The following MTUS2 variants were observed in gnomAD, a reference collection of about 807,000 sequenced individuals.
The protein encoded by MTUS2 is microtubule-associated tumor suppressor candidate 2.
Under a neutral mutation model 114.1 loss-of-function variants are expected in MTUS2, and 40 were observed. The observed-to-expected ratio is 0.35, with a 90% CI of 0.27 to 0.46. MTUS2 has a LOEUF of 0.46. MTUS2 is among the 20% of genes least tolerant of loss of function. The pLI is 1.00. For missense variants in MTUS2, 1,679 were observed against 1,705.4 expected (o/e 0.98, Z 0.27); for synonymous variants, 688 against 672.0 (o/e 1.02, Z -0.37).
At chr13:28,938,756 C>T (rs1174025019) in intron 2 of MTUS2, among the ~76,000 whole-genome samples, 1 of 152,096 alleles carries the variant, frequency 6.6e-6, no homozygotes, top group Non-Finnish European at 1.5e-5. Flanking sequence ...CAGTCACCTT[C>T]CTTACTAAAG....
intron 5 of MTUS2, among the ~76,000 whole-genome samples, chr13:29,115,177 G>A (rs182975525): frequency 6.6e-6 from 1 of 151,384 alleles, no homozygotes; most frequent in Non-Finnish European, 1.5e-5. Flanking sequence ...CCATTAATGC[G>A]ATAACTGCCA....
intron 1 of MTUS2, among the ~76,000 whole-genome samples, chr13:28,830,009 C>T (rs997333183): frequency 1.3e-5 from 2 of 152,062 alleles, no homozygotes; most frequent in African/African-American, 4.8e-5. Flanking sequence ...GCATGTACCC[C>T]ACCCCCCAAC....
intron 4 of MTUS2, among the ~76,000 whole-genome samples, chr13:29,075,801 A>C (rs1271506820): frequency 1.3e-5 from 2 of 152,184 alleles, no homozygotes; most frequent in African/African-American, 2.4e-5. Flanking sequence ...TCTGAACAGG[A>C]TCATTGCCTA....
chr13:29,217,510 CT>C (rs1488947405), intron 5 of MTUS2, among the ~76,000 whole-genome samples: 2 of 152,118 alleles, frequency 1.3e-5, no homozygotes, highest in Non-Finnish European at 2.9e-5. Flanking sequence ...TTTAAAAATA[CT>C]TTATTGTTGA....
At chr13:28,955,220 G>A (rs1337900358) in intron 2 of MTUS2, among the ~76,000 whole-genome samples, 1 of 152,156 alleles carries the variant, frequency 6.6e-6, no homozygotes, top group Non-Finnish European at 1.5e-5. Context: ...GCCTGACATT[G>A]CACGATTTCT....
intron 5 of MTUS2, among the ~76,000 whole-genome samples, chr13:29,109,288 C>G (rs1180561542): frequency 6.6e-6 from 1 of 152,110 alleles, no homozygotes; most frequent in East Asian, 1.9e-4. Flanking sequence ...CACATAGTTA[C>G]CTCTTCTGTG....
At chr13:29,217,870 C>T (rs1895743905) in intron 5 of MTUS2, among the ~76,000 whole-genome samples, 1 of 152,172 alleles carries the variant, frequency 6.6e-6, no homozygotes, top group Non-Finnish European at 1.5e-5. Context: ...GTAATCTTAG[C>T]ACTTTGGGAG....
intron 8 of MTUS2, among the ~76,000 whole-genome samples, chr13:29,370,696 T>C (rs752421874): frequency 4.6e-5 from 7 of 152,190 alleles, no homozygotes; most frequent in Non-Finnish European, 1.0e-4. Context: ...ATAAACTTCC[T>C]TCCTTTATGG....
intron 8 of MTUS2, among the ~76,000 whole-genome samples, chr13:29,361,753 C>T (rs1566154201): frequency 6.6e-6 from 1 of 152,188 alleles, no homozygotes; most frequent in Non-Finnish European, 1.5e-5. Context: ...TTGTCTGAGC[C>T]AAGCATGCCA....
Position 28,986,857 on chromosome 13 carries a change from G to C in MTUS2, c.-242-37600G>C, listed in dbSNP as rs370903907. ...TTAAGAATTTAATTATTCAGTCACA[G>C]TTGCCACATTGCAAGTGTTCAGTGG... On this transcript the variant is annotated intron_variant, in intron 2 of 15. Coordinates refer to ENST00000612955, the MANE Select transcript of MTUS2 (RefSeq NM_001033602.4). 1.2e-4 allele frequency among the ~76,000 whole-genome samples: 18 copies of C among 152,280 alleles called. No homozygotes were observed. In the East Asian group the frequency reaches 3.5e-3, roughly 29 times the overall value.
chr13:28,857,310 A>G (rs1423428528), intron 2 of MTUS2, among the ~76,000 whole-genome samples: 3 of 152,226 alleles, frequency 2.0e-5, no homozygotes, highest in African/African-American at 7.2e-5. Flanking sequence ...GTCTTTTTAA[A>G]AATCTGAAAG....
At chr13:29,329,828 G>A (rs1050997831) in intron 7 of MTUS2, among the ~76,000 whole-genome samples, 1 of 152,060 alleles carries the variant, frequency 6.6e-6, no homozygotes, top group Non-Finnish European at 1.5e-5. Flanking sequence ...TGGCCAGGCT[G>A]ATCTCAAACT....
At chr13:29,141,635 T>C (rs1892224931) in intron 5 of MTUS2, among the ~76,000 whole-genome samples, 1 of 152,252 alleles carries the variant, frequency 6.6e-6, no homozygotes, top group Non-Finnish European at 1.5e-5. Flanking sequence ...TAATGTGCTA[T>C]GTTTACTTTA....
intron 1 of MTUS2, among the ~76,000 whole-genome samples, chr13:28,826,732 T>C (rs766877262): frequency 1.3e-5 from 2 of 152,230 alleles, no homozygotes; most frequent in Non-Finnish European, 2.9e-5. Context: ...CTGATATTGA[T>C]ACACTGATTT....
At chr13:29,303,891 G>A (rs1009007637) in intron 6 of MTUS2, among the ~76,000 whole-genome samples, 1 of 152,134 alleles carries the variant, frequency 6.6e-6, no homozygotes, top group African/African-American at 2.4e-5. Context: ...CAGAGAGAAA[G>A]GCCAGGTCAC....
chr13:29,276,663 C>T (rs1013119138), intron 5 of MTUS2, among the ~76,000 whole-genome samples: 1 of 152,158 alleles, frequency 6.6e-6, no homozygotes, highest in South Asian at 2.1e-4. Flanking sequence ...TTTGGGAGGC[C>T]GAGGTGGGTG....
At chr13:29,307,164 G>C in intron 6 of MTUS2, 1 of 495,504 alleles carries the variant, frequency 2.0e-6, no homozygotes, top group Non-Finnish European at 3.8e-6. Context: ...CCAACACCCT[G>C]ATGTTCGTGA....
chr13:29,318,933 A>C (rs566982438), intron 6 of MTUS2, among the ~76,000 whole-genome samples: 112 of 152,294 alleles, frequency 7.4e-4, no homozygotes, highest in African/African-American at 2.6e-3. Context: ...CCAGTATTTC[A>C]AATTAAACTT....
intron 2 of MTUS2, among the ~76,000 whole-genome samples, chr13:28,952,874 T>A (rs1882878518): frequency 6.6e-6 from 1 of 152,242 alleles, no homozygotes; most frequent in Admixed American, 6.5e-5. Context: ...TTAGGAATAG[T>A]GGTATAATAA....
Sources: allele counts gnomAD v4.1 joint callset (sites outside exome capture counted in the v4.1 genomes callset), GRCh38; gene constraint gnomAD v4.1.1; transcripts MANE v1.5; gene names NCBI Gene and HGNC (gene_info 2026-07-23, HGNC 2026-07-21).